MSLN: variants seen among roughly 807,000 people sequenced by gnomAD.
MSLN encodes the protein mesothelin, also known as CAK1 antigen.
In MSLN, 82 loss-of-function variants were observed where a neutral mutation model predicts 72.6. The ratio of observed to expected loss-of-function variants is 1.13; its 90% CI spans 0.94 to 1.36. The LOEUF is 1.36. Ranked by LOEUF, MSLN falls within the 40% of genes most tolerant of loss-of-function variation. MSLN has a pLI of 0.00. For missense variants in MSLN, 1,005 were observed against 847.9 expected (o/e 1.19, Z -2.30); for synonymous variants, 456 against 387.3 (o/e 1.18, Z -2.08).
Position 764,990 on chromosome 16 carries a change from G to A in MSLN, c.464G>A (p.Gly155Glu), listed in dbSNP as rs1376591313. 2 of 1,612,324 alleles carry A rather than the reference G, an allele frequency of 1.2e-6. No homozygotes were observed. Among genetic ancestry groups the A allele is most frequent in the African/African-American group, 1.3e-5 (1 of 75,064 alleles). The change falls in exon 8 of 18, where the codon GGG (glycine) becomes GAG (glutamate). Residue 155 changes from glycine to glutamate, a missense_variant. Gly to Glu is a moderately conservative substitution (Grantham distance 98). Coordinates refer to ENST00000545450, the MANE Select transcript of MSLN (RefSeq NM_005823.6). ...GCCAATGTGGACCTGCTCCCGAGGGGGGCTCCCGAGCGACAGCGGCTGCTG... is the reference window on the plus strand; with the variant it reads ...GCCAATGTGGACCTGCTCCCGAGGGAGGCTCCCGAGCGACAGCGGCTGCTG... ...TKANVDLLPR[G>E]APERQRLLPA...
At chr16:763,317 C>T (rs1054701968) in intron 4 of MSLN, 41 bp downstream of exon 4, 3 of 1,470,036 alleles carry the variant, frequency 2.0e-6, no homozygotes, top group East Asian at 2.5e-5. Flanking sequence ...GTCTTCAGGT[C>T]CCAGGTGGGG....
At chr16:768,270 C>A in intron 16 of MSLN, 109 bp from the exon 17 acceptor site, 2 of 1,142,820 alleles carry the variant, frequency 1.8e-6, no homozygotes, top group Non-Finnish European at 1.2e-6. Flanking sequence ...GGAGAGGCTG[C>A]GGTGGGCATC....
chr16:764,749 AC>A (rs150637121), intron 7 of MSLN, 23 bp downstream of exon 7: 55,459 of 1,460,970 alleles, frequency 0.038, 2,723 homozygotes, highest in South Asian at 0.18. Context: ...CCCTGAACCC[AC>A]CCCCCCGGCT....
intron 13 of MSLN, 32 bp from the exon 14 acceptor site, chr16:766,636 G>A: frequency 1.2e-6 from 2 of 1,611,798 alleles, no homozygotes; most frequent in Admixed American, 1.7e-5. Context: ...ATCTCTCCTT[G>A]CCACAAGGCT....
rs756349902 is a variant in MSLN, at chr16:765,799, C to T, written c.895+9C>T. 5.1e-5 allele frequency: 82 copies of T among 1,596,190 alleles called. No individual in the cohort carries two copies. The East Asian group carries it at 1.4e-3, about 27-fold the overall frequency. ...CCGGCGGGAAGTGGAGAGTGAGTGC[C>T]GTGCCCTGCGCAGTCTGGCACCAGG... On this transcript the variant is annotated intron_variant, in intron 11 of 17. Coordinates refer to ENST00000545450, the MANE Select transcript of MSLN (RefSeq NM_005823.6).
Position 765,273 on chromosome 16 carries a change from C to G in MSLN, c.674C>G (p.Ala225Gly), listed in dbSNP as rs746914426. ...LDQDQQEAAR[A>G]ALQGGGPPYG... ...CAGGACCAGCAGGAGGCAGCCAGGG[C>G]GGCTCTGCAGGGCGGGGGACCCCCC... The change falls in exon 9 of 18, where the codon GCG becomes GGG. Residue 225 changes from alanine to glycine, a missense_variant. Ala to Gly is a moderately conservative substitution (Grantham distance 60). Coordinates refer to ENST00000545450, the MANE Select transcript of MSLN (RefSeq NM_005823.6). 12 of 1,583,986 alleles carry G rather than the reference C, an allele frequency of 7.6e-6. No individual in the cohort carries two copies. The African/African-American group carries it at 1.2e-4, about 16-fold the overall frequency.
rs1350656161 is a variant in MSLN at position 765,223 on chromosome 16, G to C, written c.624G>C (p.Leu208=). 1 of 1,586,490 alleles carries C rather than the reference G, an allele frequency of 6.3e-7. No homozygotes were observed. The highest frequency in any genetic ancestry group is 2.3e-5 in the East Asian group (1 of 44,138). The change falls in exon 9 of 18, where the codon CTG becomes CTC. Residue 208 remains leucine (L), a synonymous_variant. Coordinates refer to ENST00000545450, the MANE Select transcript of MSLN (RefSeq NM_005823.6). The part of the protein sequence containing the change: ...AESAEVLLPR[L]VSCPGPLDQD... ...CGGCCGAAGTGCTGCTACCCCGGCT[G>C]GTGAGCTGCCCGGGACCCCTGGACC...
At chr16:763,736 G>A (rs910812628) in intron 5 of MSLN, 45 bp downstream of exon 5, 9 of 1,537,838 alleles carry the variant, frequency 5.9e-6, no homozygotes, top group Non-Finnish European at 7.9e-6. Flanking sequence ...GGCTCGAGGG[G>A]CCCTCGGGAC....
At chr16:768,327 C>A (rs899202309) in intron 16 of MSLN, 52 bp from the exon 17 acceptor site, 16 of 1,469,896 alleles carry the variant, frequency 1.1e-5, no homozygotes, top group South Asian at 4.4e-5. Context: ...AGCCCTCTGG[C>A]GGCGCTGAGG....
Position 760,783 on chromosome 16 carries a change from C to G in MSLN, c.-150C>G, listed in dbSNP as rs114810024. ...GGGAGGCTGCCAGGCTCTCCACCCC[C>G]ACTTCCCAATTGAGGAAACCGAGGC... On this transcript the variant is annotated 5_prime_UTR_variant, in exon 1 of 18. Coordinates refer to ENST00000545450, the MANE Select transcript of MSLN (RefSeq NM_005823.6). 6.6e-6 allele frequency: 1 copy of G among 152,448 alleles called. No individual in the cohort carries two copies. The highest frequency in any genetic ancestry group is 2.4e-5 in the African/African-American group (1 of 41,472). The allele number at this position is 152,448 out of a possible 1,614,324, so 9.4% of individuals were successfully genotyped here.
At chr16:763,380 C>T (rs1302958506) in intron 4 of MSLN, 104 bp downstream of exon 4, 34 of 1,084,690 alleles carry the variant, frequency 3.1e-5, no homozygotes, top group Middle Eastern at 2.0e-4. Context: ...CCAGTTTCCA[C>T]GGTCCTTGCT....
chr16:765,567 C>A lies in MSLN; in HGVS notation c.745C>A (p.Arg249=), dbSNP rs758078942. Residue 249 remains arginine, a synonymous_variant, in exon 10 of 18, where the codon CGG becomes AGG. Transcript: ENST00000545450. ...GTCTGTCTCCACGATGGACGCTCTG[C>A]GGGGCCTGCTGCCCGTGCTGGGCCA... The part of the protein sequence containing the change: ...TWSVSTMDAL[R]GLLPVLGQPI... The A allele has an allele frequency of 6.2e-7, 1 of 1,606,614 alleles. No individual in the cohort carries two copies. Among genetic ancestry groups the A allele is most frequent in the Non-Finnish European group, 8.5e-7 (1 of 1,179,400 alleles).
At chr16:763,980 G>A (rs375423938) in intron 5 of MSLN, 43 bp from the exon 6 acceptor site, 1 of 1,589,952 alleles carries the variant, frequency 6.3e-7, no homozygotes, top group Non-Finnish European at 8.5e-7. Context: ...GGACATTGCA[G>A]GGGAGGGGCG....
intron 2 of MSLN, 45 bp from the exon 3 acceptor site, chr16:762,627 G>A: frequency 2.8e-6 from 4 of 1,440,434 alleles, no homozygotes; most frequent in Non-Finnish European, 3.9e-6. Context: ...ACAGAGGCGT[G>A]GGGTGGGAGC....
At chr16:762,000 C>A (rs1265510583) in intron 2 of MSLN, among the ~76,000 whole-genome samples, 1 of 152,188 alleles carries the variant, frequency 6.6e-6, no homozygotes, top group Admixed American at 6.5e-5. Flanking sequence ...GGTCTCCCCA[C>A]CCACTTCCCC....
rs200444018 is a variant in MSLN, at chr16:766,355, C to G, written c.1095C>G (p.Pro365=). The G allele has an allele frequency of 2.5e-6, 4 of 1,612,708 alleles. No individual in the cohort carries two copies. Among genetic ancestry groups the G allele is most frequent in the African/African-American group, 1.3e-5 (1 of 75,050 alleles). ...TGCAGCTCTACCCACAAGGTTACCCCGAGTCTGTGATCCAGCACCTGGGCT... is the reference window on the plus strand; with the variant it reads ...TGCAGCTCTACCCACAAGGTTACCCGGAGTCTGTGATCCAGCACCTGGGCT... ...KLDELYPQGY[P]ESVIQHLGYL... is the part of the protein sequence containing the mutation. The change falls in exon 13 of 18, where the codon CCC becomes CCG. Residue 365 remains proline, a synonymous_variant. Coordinates refer to ENST00000545450, the MANE Select transcript of MSLN (RefSeq NM_005823.6).
Position 765,133 on chromosome 16 carries a change from C to T in MSLN, c.534C>T (p.Ser178=), listed in dbSNP as rs564629340. 188 of 1,603,764 alleles carry T rather than the reference C, an allele frequency of 1.2e-4. No homozygotes were observed. Among genetic ancestry groups the T allele is most frequent in the Middle Eastern group, 1.2e-3 (7 of 6,046 alleles). ...AGGGTGTGCGGGGGTCTCTGCTGAG[C>T]GAGGCTGATGTGCGGGCTCTGGGAG... ...ACWGVRGSLL[S]EADVRALGGL... is the part of the protein sequence containing the mutation. Residue 178 remains serine, a synonymous_variant, in exon 9 of 18, where the codon AGC becomes AGT. Transcript: ENST00000545450.
intron 7 of MSLN, 75 bp downstream of exon 7, chr16:764,801 C>A: frequency 6.3e-7 from 1 of 1,580,276 alleles, no homozygotes; most frequent in Non-Finnish European, 8.6e-7. Flanking sequence ...TGCCCCTTGC[C>A]TCGGATCCCA....
rs1177027295 is a variant in MSLN, at chr16:764,132, T to C, written c.289T>C (p.Ser97Pro). Reference protein sequence around the residue: ...VALAQKNVKLSTEQLRCLAHR... With the variant: ...VALAQKNVKLPTEQLRCLAHR... ...CTTGGCACAGAAGAATGTCAAGCTC[T>C]CAACAGAGCAGGTCAGTCTCAGTTG... Residue 97 changes from serine to proline, a missense_variant, in exon 6 of 18, where the codon TCA (serine) becomes CCA (proline). Ser to Pro is a moderately conservative substitution (Grantham distance 74). Transcript: ENST00000545450. The C allele has an allele frequency of 6.2e-7, 1 of 1,604,654 alleles. No homozygotes were observed.
Sources: allele counts gnomAD v4.1 joint callset (sites outside exome capture counted in the v4.1 genomes callset), GRCh38; gene constraint gnomAD v4.1.1; transcripts MANE v1.5; gene names NCBI Gene and HGNC (gene_info 2026-07-23, HGNC 2026-07-21).